Variants in C9orf50 observed in about 807,000 individuals in gnomAD.
The protein encoded by C9orf50 is chromosome 9 open reading frame 50, also known as uncharacterized protein C9orf50.
In C9orf50, 33 loss-of-function variants were observed where a neutral mutation model predicts 42.5. The observed-to-expected ratio is 0.78, with a 90% CI of 0.59 to 1.04. The LOEUF is 1.04. Ranked by LOEUF, C9orf50 falls within the 50% of genes least tolerant of loss-of-function variation. C9orf50 has a pLI of 0.00. For missense variants in C9orf50, 547 were observed against 594.3 expected (o/e 0.92, Z 0.83); for synonymous variants, 257 against 273.4 (o/e 0.94, Z 0.59).
chr9:129,616,316 C>T (rs1348239427), intron 3 of C9orf50, among the ~76,000 whole-genome samples: 5 of 152,120 alleles, frequency 3.3e-5, no homozygotes, highest in African/African-American at 9.7e-5. Flanking sequence ...CCCGGGTTCA[C>T]GCCATTCTCC....
At chr9:129,621,666 C>T (rs1176974967), upstream of C9orf50, among the ~76,000 whole-genome samples, 1 of 152,212 alleles carries the variant, frequency 6.6e-6, no homozygotes, top group Non-Finnish European at 1.5e-5. Flanking sequence ...CCACTTCTGG[C>T]CAAGACACAG....
At position 129,614,361 on chromosome 9, in the gene C9orf50, T is replaced by C. The variant is rs1029153516; in HGVS notation, c.881-764A>G. ...CGCTAAGGAGGCTGCGTCAGATCCC[T>C]CCCAAATCAGCGAAGGTCCTAGGTT... On this transcript the variant is annotated intron_variant, in intron 4 of 6. Coordinates refer to ENST00000372478, the Ensembl canonical transcript of C9orf50. The surrounding 1 kb of genome is among the most constrained non-coding windows in gnomAD (Gnocchi z 4.4). 3.3e-5 allele frequency among the ~76,000 whole-genome samples: 5 copies of C among 152,130 alleles called. No homozygotes were observed. The highest frequency in any genetic ancestry group is 3.3e-4 in the Admixed American group (5 of 15,274).
chr9:129,620,602 C>T lies in C9orf50; in HGVS notation c.-28G>A, dbSNP rs774564985. 3.0e-6 allele frequency: 4 copies of T among 1,312,932 alleles called. No individual in the cohort carries two copies. The highest frequency in any genetic ancestry group is 4.9e-5 in the South Asian group (2 of 40,560). The allele number at this position is 1,312,932 out of a possible 1,614,324, so 81.3% of individuals were successfully genotyped here. A position where few individuals can be genotyped will look rare whatever the true frequency, so the allele number is the denominator to read the frequency against. ...TTGGCCCCGCACTCAGCTCACCGCA[C>T]CCTCAGCGCGCGTGGGTGGGGGGCG... is the stretch of plus-strand genomic sequence containing the variant. On this transcript the variant is annotated 5_prime_UTR_variant, in exon 1 of 7. In the 5' UTR this introduces an upstream ATG that the reference lacks. Transcript: ENST00000372478. This position sits in a 1 kb window ranked among gnomAD's most constrained non-coding sequence, Gnocchi z 5.8.
exon 2 of C9orf50, chr9:129,619,742 C>T: frequency 6.2e-7 from 1 of 1,614,036 alleles, no homozygotes; most frequent in Non-Finnish European, 8.5e-7. Context: ...ACGCTTACCA[C>T]AGGTCTGGGA....
At position 129,612,398 on chromosome 9, in the gene C9orf50, C is replaced by CT. The variant is rs1350750686; in HGVS notation, c.1244dup (p.Tyr417ValfsTer14). ...CGGAGGCCAGGAGGAGATGGTACCC[C>CT]TTAGGGCAGCCTTGCTTCAGGACCG... On this transcript the variant is annotated frameshift_variant, in exon 7 of 7. Transcript: ENST00000372478. LOFTEE classifies it low-confidence loss of function (END_TRUNC). The CT allele has an allele frequency of 1.2e-6, 2 of 1,613,776 alleles. No individual in the cohort carries two copies. The highest frequency in any genetic ancestry group is 2.2e-5 in the South Asian group (2 of 91,080).
At position 129,620,686 on chromosome 9, in the gene C9orf50, G is replaced by T. The variant is rs892948782; in HGVS notation, c.-112C>A. 3.9e-6 allele frequency: 4 copies of T among 1,020,728 alleles called. No homozygotes were observed. The African/African-American group carries it at 5.0e-5, about 13-fold the overall frequency. The allele number at this position is 1,020,728 out of a possible 1,614,324, so 63.2% of individuals were successfully genotyped here. A position where few individuals can be genotyped will look rare whatever the true frequency, so the allele number is the denominator to read the frequency against. On this transcript the variant is annotated 5_prime_UTR_variant, in exon 1 of 7. It adds an upstream start codon to the 5' untranslated region. Coordinates refer to ENST00000372478, the Ensembl canonical transcript of C9orf50. This position sits in a 1 kb window ranked among gnomAD's most constrained non-coding sequence, Gnocchi z 5.8. ...AGGCCATAGTGCCCCGGGCGGGGCA[G>T]CGCGGTGCGGGGTGAACGCCACCGG...
Position 129,615,130 on chromosome 9 carries a change from C to T in C9orf50, c.880+354G>A, listed in dbSNP as rs374930048. 8.5e-5 allele frequency among the ~76,000 whole-genome samples: 13 copies of T among 152,352 alleles called. No homozygotes were observed. In the South Asian group the frequency reaches 2.5e-3, roughly 29 times the overall value. On this transcript the variant is annotated intron_variant, in intron 4 of 6. Transcript: ENST00000372478. The stretch of plus-strand genomic sequence containing the variant: ...GCTTCCAATGGCATCTGGACCTCCT[C>T]CAGCCCCTGTAGGCTGTGGGGACTG...
Position 129,620,223 on chromosome 9 carries a change from G to A in C9orf50, c.352C>T (p.Gln118Ter). 1 of 1,353,608 alleles carries A rather than the reference G, an allele frequency of 7.4e-7. No individual in the cohort carries two copies. The highest frequency in any genetic ancestry group is 1.9e-5 in the South Asian group (1 of 52,358). 83.8% of individuals were successfully genotyped at this position (1,353,608 alleles called of 1,614,324 possible). ...CGCTCGCGCTCTCCAGGCCCTGGCT[G>A]CCTGGGCGCCGATTCCCGGGACGCG... Residue 118 changes from glutamine to a stop codon, truncating the protein, a stop_gained, in exon 1 of 7, where the codon CAG becomes TAG. Transcript: ENST00000372478. LOFTEE classifies it high-confidence loss of function. This position sits in a 1 kb window ranked among gnomAD's most constrained non-coding sequence, Gnocchi z 5.8.
rs780122018 is a variant in C9orf50 at position 129,620,502 on chromosome 9, G to T, written c.73C>A (p.Arg25=). Residue 25 remains arginine (R), a synonymous_variant, in exon 1 of 7, where the codon CGA becomes AGA. Coordinates refer to ENST00000372478, the Ensembl canonical transcript of C9orf50. This position sits in a 1 kb window ranked among gnomAD's most constrained non-coding sequence, Gnocchi z 5.8. ...GGCAGCCGCGGGTCGCTGCTGCGTCGGAAGTCTCCGTCGCCAGGGAGCCCC... is the reference window on the plus strand; with the variant it reads ...GGCAGCCGCGGGTCGCTGCTGCGTCTGAAGTCTCCGTCGCCAGGGAGCCCC... 20 of 1,426,574 alleles carry T rather than the reference G, an allele frequency of 1.4e-5. No homozygotes were observed. Among genetic ancestry groups the T allele is most frequent in the Non-Finnish European group, 1.7e-5 (19 of 1,087,610 alleles). 88.4% of individuals were successfully genotyped at this position (1,426,574 alleles called of 1,614,324 possible). A position where few individuals can be genotyped will look rare whatever the true frequency, so the allele number is the denominator to read the frequency against.
chr9:129,620,520 G>T lies in C9orf50; in HGVS notation c.55C>A (p.Pro19Thr). 1 of 1,445,124 alleles carries T rather than the reference G, an allele frequency of 6.9e-7. No homozygotes were observed. The highest frequency in any genetic ancestry group is 9.1e-7 in the Non-Finnish European group (1 of 1,097,016). 89.5% of individuals were successfully genotyped at this position (1,445,124 alleles called of 1,614,324 possible). A position where few individuals can be genotyped will look rare whatever the true frequency, so the allele number is the denominator to read the frequency against. Residue 19 changes from proline to threonine, a missense_variant, in exon 1 of 7, where the codon CCT (proline) becomes ACT (threonine). By Grantham distance (38) the Pro-to-Thr change is conservative. Coordinates refer to ENST00000372478, the Ensembl canonical transcript of C9orf50. The surrounding 1 kb of genome is among the most constrained non-coding windows in gnomAD (Gnocchi z 5.8). ...CTGCGTCGGAAGTCTCCGTCGCCAGGGAGCCCCTTGGGCGCCAGGTCCTGG... is the reference window on the plus strand; with the variant it reads ...CTGCGTCGGAAGTCTCCGTCGCCAGTGAGCCCCTTGGGCGCCAGGTCCTGG...
rs957158780 is a variant in C9orf50, at chr9:129,620,309, C to T, written c.266G>A (p.Arg89Gln). Residue 89 changes from arginine (R) to glutamine (Q), a missense_variant, in exon 1 of 7, where the codon CGG becomes CAG. Transcript: ENST00000372478. The surrounding 1 kb of genome is among the most constrained non-coding windows in gnomAD (Gnocchi z 5.8). Reference sequence around the variant, plus strand: ...CAGCAGCCCCCGCTTCCGCACGGCCCGCCGGGTCGCGGTGAGCAAGGCGGG... The same window carrying T: ...CAGCAGCCCCCGCTTCCGCACGGCCTGCCGGGTCGCGGTGAGCAAGGCGGG... 5.6e-6 allele frequency: 7 copies of T among 1,244,006 alleles called. No individual in the cohort carries two copies. Among genetic ancestry groups the T allele is most frequent in the Admixed American group, 8.5e-5 (2 of 23,516 alleles). The allele number at this position is 1,244,006 out of a possible 1,614,324, so 77.1% of individuals were successfully genotyped here.
Position 129,613,276 on chromosome 9 carries a change from C to A in C9orf50, c.1044-25G>T. On this transcript the variant is annotated intron_variant, in intron 5 of 6. Transcript: ENST00000372478. The surrounding 1 kb of genome is among the most constrained non-coding windows in gnomAD (Gnocchi z 6.2). ...CCTGGGGGAGACAGGACCCCATGAG[C>A]TTCCTGGACTCTGAGTCCCCGGCCC... The A allele has an allele frequency of 6.3e-7, 1 of 1,582,666 alleles. No individual in the cohort carries two copies. The highest frequency in any genetic ancestry group is 8.6e-7 in the Non-Finnish European group (1 of 1,162,474).
Position 129,620,410 on chromosome 9 carries a change from C to T in C9orf50, c.165G>A (p.Pro55=), listed in dbSNP as rs1178886340. 2 of 1,240,298 alleles carry T rather than the reference C, an allele frequency of 1.6e-6. No homozygotes were observed. Among genetic ancestry groups the T allele is most frequent in the African/African-American group, 3.1e-5 (2 of 64,230 alleles). 76.8% of individuals were successfully genotyped at this position (1,240,298 alleles called of 1,614,324 possible). Residue 55 remains proline (P), a synonymous_variant, in exon 1 of 7, where the codon CCG becomes CCA. Coordinates refer to ENST00000372478, the Ensembl canonical transcript of C9orf50. The surrounding 1 kb of genome is among the most constrained non-coding windows in gnomAD (Gnocchi z 5.8). ...CCGGCCACCACGCGGCGCCGCCCCC[C>T]GGGATCCTCCAGTCCCCGGAGCCCC...
At chr9:129,617,966 G>C (rs1227944587) in intron 3 of C9orf50, among the ~76,000 whole-genome samples, 1 of 152,212 alleles carries the variant, frequency 6.6e-6, no homozygotes, top group Non-Finnish European at 1.5e-5. Context: ...TTATAGGCAT[G>C]AGCCACCATG....
At chr9:129,615,499 C>G in exon 4 of C9orf50, 1 of 1,600,798 alleles carries the variant, frequency 6.2e-7, no homozygotes, top group Non-Finnish European at 8.5e-7. Flanking sequence ...CGTCTGCGCT[C>G]CCAGTAGCGG....
At chr9:129,621,888 C>T (rs1018749765), upstream of C9orf50, among the ~76,000 whole-genome samples, 1 of 152,202 alleles carries the variant, frequency 6.6e-6, no homozygotes, top group African/African-American at 2.4e-5. Flanking sequence ...TCTCTACAGG[C>T]AGGCTGTAGA....
At chr9:129,615,525 A>G (rs149091556) in exon 4 of C9orf50, 89 of 1,610,654 alleles carry the variant, frequency 5.5e-5, no homozygotes, top group Non-Finnish European at 6.8e-5. Flanking sequence ...TGTGTCCTGC[A>G]GGGTCTCGTC....
chr9:129,618,845 A>C (rs1022906957), intron 3 of C9orf50, among the ~76,000 whole-genome samples: 1 of 147,968 alleles, frequency 6.8e-6, no homozygotes, highest in Non-Finnish European at 1.5e-5. Flanking sequence ...GGCGCCCGCC[A>C]CCACGCCCGG....
At position 129,613,475 on chromosome 9, in the gene C9orf50, C is replaced by A; in HGVS notation, c.1003G>T (p.Glu335Ter). ...CAACACGAGGAGCTGGCCAGGGTCT[C>A]CTCCTTGGCCCCAGGGTACAGGGCT... The change falls in exon 5 of 7, where the codon GAG (glutamate) becomes TAG (stop). Residue 335 changes from glutamate (E) to a stop codon, truncating the protein, a stop_gained. Coordinates refer to ENST00000372478, the Ensembl canonical transcript of C9orf50. LOFTEE classifies it high-confidence loss of function. This position sits in a 1 kb window ranked among gnomAD's most constrained non-coding sequence, Gnocchi z 6.2. 1 of 1,614,122 alleles carries A rather than the reference C, an allele frequency of 6.2e-7. No homozygotes were observed. The highest frequency in any genetic ancestry group is 8.5e-7 in the Non-Finnish European group (1 of 1,180,018).
Sources: gnomAD v4.1 joint callset for allele counts (sites outside exome capture counted in the v4.1 genomes callset) on GRCh38, gnomAD v4.1.1 for gene constraint, Gnocchi (gnomAD v3.1) non-coding constraint, MANE v1.5 for transcripts, NCBI Gene and HGNC (gene_info 2026-07-23, HGNC 2026-07-21) for gene names.